Variants in CYP2J2 observed in about 807,000 individuals in gnomAD.
CYP2J2 encodes cytochrome P450 family 2 subfamily J member 2, also known as cytochrome P450 2J2.
CYP2J2 carries 41 observed loss-of-function variants against 48.8 expected under a neutral mutation model. That is an observed-to-expected ratio of 0.84 (90% CI 0.66 to 1.09). The LOEUF (loss-of-function observed/expected upper bound fraction) is 1.09. Among genes scored for constraint, CYP2J2 ranks in the 50% least tolerant of loss-of-function variants. The probability of loss-of-function intolerance (pLI) is 0.00; values close to 1 mark genes in which losing one functional copy is unlikely to be tolerated. For synonymous variants in CYP2J2, 221 were observed against 227.1 expected (o/e 0.97, Z 0.24); for missense variants, 644 against 617.3 (o/e 1.04, Z -0.46).
the CYP2J2 span, among the ~76,000 whole-genome samples, chr1:59,955,301 T>C: frequency 7.0e-6 from 1 of 143,010 alleles, no homozygotes; most frequent in Non-Finnish European, 1.5e-5. Context: ...TCCATATATA[T>C]ATATCCATAT....
the CYP2J2 span, among the ~76,000 whole-genome samples, chr1:59,935,015 CATATATATATATATATATATAT>C: frequency 3.8e-4 from 18 of 47,506 alleles, no homozygotes; most frequent in African/African-American, 1.1e-3. Context: ...TATATATATA[CATATATATATATATATATATAT>C]ATATATATAT....
chr1:59,900,841 G>A, intron 8 of CYP2J2, 124 bp downstream of exon 8: 1 of 1,094,698 alleles, frequency 9.1e-7, no homozygotes, highest in East Asian at 2.4e-5. Flanking sequence ...CAGCAAGATG[G>A]AGTGAGTCGC....
chr1:59,915,242 A>T (rs1049104653), intron 2 of CYP2J2, among the ~76,000 whole-genome samples: 1 of 152,168 alleles, frequency 6.6e-6, no homozygotes, highest in African/African-American at 2.4e-5. Context: ...TGGTATGCTG[A>T]GCGCCAGTCC....
At chr1:59,966,200 T>C in the CYP2J2 span, among the ~76,000 whole-genome samples, 8,436 of 152,284 alleles carry the variant, frequency 0.055, 345 homozygotes, top group Admixed American at 0.1. Context: ...TTCTGTCTTA[T>C]GGTAACATAA....
intron 2 of CYP2J2, among the ~76,000 whole-genome samples, chr1:59,914,681 C>G (rs1485545973): frequency 6.6e-6 from 1 of 152,196 alleles, no homozygotes; most frequent in Non-Finnish European, 1.5e-5. Context: ...CTGCAGGGAC[C>G]TCTCCCCTGG....
chr1:59,917,725 A>G (rs1181051546), intron 1 of CYP2J2, among the ~76,000 whole-genome samples: 1 of 152,224 alleles, frequency 6.6e-6, no homozygotes, highest in Non-Finnish European at 1.5e-5. Context: ...ATGGTCACGA[A>G]TCAAAATCCT....
At chr1:59,915,744 G>A (rs561115820) in intron 2 of CYP2J2, among the ~76,000 whole-genome samples, 194 bp downstream of exon 2, 2 of 152,278 alleles carry the variant, frequency 1.3e-5, no homozygotes, top group South Asian at 4.1e-4. Flanking sequence ...CCCAGTGAGG[G>A]ATGATCTTAT....
At chr1:59,896,304 A>AAT (rs34692176) in intron 8 of CYP2J2, among the ~76,000 whole-genome samples, 45 of 149,312 alleles carry the variant, frequency 3.0e-4, no homozygotes, top group Admixed American at 5.4e-4. Context: ...ACATATATAA[A>AAT]ATATATATAT....
chr1:59,911,474 T>A (rs1644413401), intron 4 of CYP2J2, 134 bp downstream of exon 4: 1 of 586,382 alleles, frequency 1.7e-6, no homozygotes, highest in South Asian at 2.8e-5. Flanking sequence ...TTCAAATAAG[T>A]TTGTGTTGAA....
chr1:59,920,218 TA>T (rs1157036174), intron 1 of CYP2J2, among the ~76,000 whole-genome samples: 2 of 148,796 alleles, frequency 1.3e-5, no homozygotes, highest in Non-Finnish European at 3.0e-5. Flanking sequence ...ACAATGATAA[TA>T]AAAAACATGT....
chr1:59,958,962 C>G, the CYP2J2 span, among the ~76,000 whole-genome samples: 2 of 152,144 alleles, frequency 1.3e-5, no homozygotes, highest in Non-Finnish European at 2.9e-5. Context: ...CTTACCTTAT[C>G]TGCCCACTTT....
At chr1:59,960,716 G>T in the CYP2J2 span, among the ~76,000 whole-genome samples, 2 of 152,142 alleles carry the variant, frequency 1.3e-5, no homozygotes, top group African/African-American at 4.8e-5. Flanking sequence ...GGTGGCAGAG[G>T]CCTGTAATCC....
chr1:59,968,540 C>A, the CYP2J2 span, among the ~76,000 whole-genome samples: 1 of 152,042 alleles, frequency 6.6e-6, no homozygotes, highest in East Asian at 2.0e-4. Flanking sequence ...GGCTCATACT[C>A]CAGAAGATTT....
At chr1:59,968,843 G>A in the CYP2J2 span, among the ~76,000 whole-genome samples, 1 of 152,210 alleles carries the variant, frequency 6.6e-6, no homozygotes, top group Non-Finnish European at 1.5e-5. Context: ...TTGACTTCAA[G>A]AATGAAGCCG....
In CYP2J2 at chr1:59,906,626, G is replaced by A. The variant is rs375007490; in HGVS notation, c.1003+1160C>T. On this transcript the variant is annotated intron_variant, in intron 6 of 8. Transcript: ENST00000371204. ...TCACTCTCCAGAACTTTTTCATCTT[G>A]CAGAACTGAGGCTCTATATCCCCTC... 1.5e-3 allele frequency among the ~76,000 whole-genome samples: 224 copies of A among 152,036 alleles called. 7 individuals carry two copies. The South Asian group carries it at 0.044, about 30-fold the overall frequency.
At chr1:59,931,825 C>T in the CYP2J2 span, among the ~76,000 whole-genome samples, 2,249 of 152,018 alleles carry the variant, frequency 0.015, 30 homozygotes, top group Non-Finnish European at 0.026. Flanking sequence ...AAAAGTAAGG[C>T]GTATTTCCCA....
intron 2 of CYP2J2, 63 bp downstream of exon 2, chr1:59,915,874 GC>G: frequency 4.7e-6 from 7 of 1,475,134 alleles, no homozygotes; most frequent in Non-Finnish European, 6.4e-6. Flanking sequence ...TCACCAAGGT[GC>G]CTTTAACAGA....
At chr1:59,926,822 C>A (rs890293), upstream of CYP2J2, 96,917 of 1,366,918 alleles carry the variant, frequency 0.071, 3,774 homozygotes, top group African/African-American at 0.14. Context: ...CGCCCCGCCT[C>A]GCTCCCAGCC....
chr1:59,931,235 A>C (rs1361275268), upstream of CYP2J2, among the ~76,000 whole-genome samples: 1 of 152,196 alleles, frequency 6.6e-6, no homozygotes, highest in Non-Finnish European at 1.5e-5. Flanking sequence ...TAAACTTTAA[A>C]TTCAAAATTG....
Sources: gnomAD v4.1 joint callset for allele counts (sites outside exome capture counted in the v4.1 genomes callset) on GRCh38, gnomAD v4.1.1 for gene constraint, MANE v1.5 for transcripts, NCBI Gene and HGNC (gene_info 2026-07-23, HGNC 2026-07-21) for gene names.